Variants in CEP85L observed in about 807,000 individuals in gnomAD.
CEP85L encodes the protein centrosomal protein 85L.
A neutral mutation model predicts 100.3 loss-of-function variants in CEP85L; 60 were observed. That is an observed-to-expected ratio of 0.60 (90% CI 0.49 to 0.74). The LOEUF is 0.74. Ranked by LOEUF, CEP85L falls within the 30% of genes least tolerant of loss-of-function variation. CEP85L has a pLI of 0.00. For missense variants in CEP85L, 973 were observed against 936.2 expected, an observed-to-expected ratio of 1.04 and a Z score of -0.51; for synonymous variants, 319 against 322.7, an observed-to-expected ratio of 0.99 and a Z score of 0.12.
chr6:118,512,345 GTGT>G (rs1776020188), intron 4 of CEP85L, among the ~76,000 whole-genome samples: 1 of 151,928 alleles, frequency 6.6e-6, no homozygotes, highest in Non-Finnish European at 1.5e-5. Flanking sequence ...TACCGACGGT[GTGT>G]GTAGAGTGGA....
intron 1 of CEP85L, among the ~76,000 whole-genome samples, chr6:118,689,159 A>C (rs763633373): frequency 2.0e-5 from 3 of 152,186 alleles, no homozygotes; most frequent in Non-Finnish European, 4.4e-5. Context: ...TCTGCAGCCA[A>C]GTCTTTGTCT....
intron 5 of CEP85L, among the ~76,000 whole-genome samples, chr6:118,499,572 G>A (rs910578079): frequency 1.3e-5 from 2 of 152,008 alleles, no homozygotes; most frequent in African/African-American, 2.4e-5. Context: ...GCTGAGGCAG[G>A]AGAATCACTT....
rs575561818 is a variant in CEP85L at position 118,648,906 on chromosome 6, C to A, written c.73+2291G>T. On this transcript the variant is annotated intron_variant, in intron 1 of 12. Coordinates refer to ENST00000368491, the MANE Select transcript of CEP85L (RefSeq NM_001042475.3). ...ACCAGAAATTATTTACTTATCCCTG[C>A]CTTCACACTTTGTTTTCAGACAAGT... 3.4e-4 allele frequency among the ~76,000 whole-genome samples: 52 copies of A among 152,210 alleles called. 1 individual carries two copies. The South Asian group carries it at 0.01, about 30-fold the overall frequency.
In CEP85L at chr6:118,559,008, G is replaced by T. The variant is rs1779072179; in HGVS notation, c.1020+6521C>A. ...CTCAACAAGCACGTCAAAAGCTACA[G>T]AATCTATTTATCAATTTCTGTCTCA... On this transcript the variant is annotated intron_variant, in intron 3 of 12. Coordinates refer to ENST00000368491, the MANE Select transcript of CEP85L (RefSeq NM_001042475.3). 2 of 1,610,204 alleles carry T rather than the reference G, an allele frequency of 1.2e-6. No individual in the cohort carries two copies. Among genetic ancestry groups the T allele is most frequent in the Non-Finnish European group, 1.7e-6 (2 of 1,176,448 alleles).
chr6:118,470,713 A>C, intron 10 of CEP85L, 69 bp from the exon 11 acceptor site: 1 of 834,104 alleles, frequency 1.2e-6, no homozygotes. Context: ...AACAGAAAGA[A>C]GTAGGAATGT....
At chr6:118,555,228 G>A (rs948733920) in intron 3 of CEP85L, among the ~76,000 whole-genome samples, 2 of 151,972 alleles carry the variant, frequency 1.3e-5, no homozygotes, top group Non-Finnish European at 2.9e-5. Context: ...TCGGGAGATC[G>A]AGACCATCCT....
intron 3 of CEP85L, among the ~76,000 whole-genome samples, chr6:118,539,644 T>G (rs1418667636): frequency 6.8e-6 from 1 of 147,888 alleles, no homozygotes. Context: ...ACATGCAGGT[T>G]TCTTACATAG....
At chr6:118,568,083 G>A (rs1253986354) in intron 2 of CEP85L, among the ~76,000 whole-genome samples, 1 of 152,164 alleles carries the variant, frequency 6.6e-6, no homozygotes, top group East Asian at 1.9e-4. Flanking sequence ...TAAGTCACAT[G>A]ATAAAATGGA....
Position 118,465,565 on chromosome 6 carries a change from A to G in CEP85L, c.2258T>C (p.Met753Thr), listed in dbSNP as rs757547239. 6 of 1,607,238 alleles carry G rather than the reference A, an allele frequency of 3.7e-6. No individual in the cohort carries two copies. In the South Asian group the frequency reaches 4.5e-5, roughly 12 times the overall value. ...NLSLLLGIRS[M>T]NCSAEETEND... ...CTCAGTCTCTTCAGCTGAACAGTTC[A>G]TTGCTGTGTAAATAAAACATAGAGA... is the stretch of plus-strand genomic sequence containing the variant. The change falls in exon 13 of 13, where the codon ATG becomes ACG. Residue 753 changes from methionine to threonine, a missense_variant. Around this residue, in one of 3 missense-constraint regions of CEP85L, gnomAD observed 890 missense variants for 844.5 expected, o/e 1.05. Transcript: ENST00000368491.
chr6:118,509,358 A>C (rs1051252477), intron 5 of CEP85L, among the ~76,000 whole-genome samples: 13 of 152,156 alleles, frequency 8.5e-5, no homozygotes, highest in Admixed American at 3.9e-4. Context: ...TTACCAAAGC[A>C]AGATACACTA....
chr6:118,491,728 T>C lies in CEP85L; in HGVS notation c.1395A>G (p.Arg465=). 1 of 1,613,212 alleles carries C rather than the reference T, an allele frequency of 6.2e-7. No homozygotes were observed. Among genetic ancestry groups the C allele is most frequent in the Non-Finnish European group, 8.5e-7 (1 of 1,179,604 alleles). ...TCTTCTCTTCACTAAATAGGCTTAG[T>C]CTTTGTTTGAGAAACTCATTAAGCT... The part of the protein sequence containing the change: ...VLQLNEFLKQ[R]LSLFSEEKKK... The change falls in exon 6 of 13, where the codon AGA becomes AGG. Residue 465 remains arginine, a synonymous_variant. Transcript: ENST00000368491.
upstream of CEP85L, among the ~76,000 whole-genome samples, chr6:118,655,620 TCACACACAAACC>T (rs1009737818): frequency 6.6e-6 from 1 of 152,184 alleles, no homozygotes; most frequent in African/African-American, 2.4e-5. Context: ...GATCATGCCT[TCACACACAAACC>T]CACACACAGC....
intron 2 of CEP85L, among the ~76,000 whole-genome samples, chr6:118,624,245 T>C (rs1368569225): frequency 6.6e-6 from 1 of 152,186 alleles, no homozygotes; most frequent in African/African-American, 2.4e-5. Flanking sequence ...CCTTGCTCTC[T>C]TTAATGGAGT....
rs117688956 is a variant in CEP85L at position 118,596,346 on chromosome 6, G to T, written c.233-30030C>A. ...CAATATTCAGTAATCTTCCACAGTG[G>T]TTATTTTCCTGAGTGCTTTACAATA... On this transcript the variant is annotated intron_variant, in intron 2 of 12. Coordinates refer to ENST00000368491, the MANE Select transcript of CEP85L (RefSeq NM_001042475.3). Among the ~76,000 whole-genome samples the T allele has an allele frequency of 1.2e-3, 186 of 152,204 alleles. 4 individuals are homozygous for T. In the South Asian group the frequency reaches 0.022, roughly 18 times the overall value.
chr6:118,557,331 A>T (rs1043804665), intron 3 of CEP85L, among the ~76,000 whole-genome samples: 1 of 152,222 alleles, frequency 6.6e-6, no homozygotes, highest in Non-Finnish European at 1.5e-5. Flanking sequence ...ACATCTACAG[A>T]GTAACAGATT....
At chr6:118,519,699 C>T (rs1377370710) in intron 4 of CEP85L, among the ~76,000 whole-genome samples, 4 of 151,606 alleles carry the variant, frequency 2.6e-5, no homozygotes, top group Non-Finnish European at 5.9e-5. Context: ...TTTTCGTTGA[C>T]CTTTCAATAC....
rs531098720 is a variant in CEP85L at position 118,619,967 on chromosome 6, T to C, written c.232+12486A>G. Among the ~76,000 whole-genome samples, 27 of 152,308 alleles carry C rather than the reference T, an allele frequency of 1.8e-4. No individual in the cohort carries two copies. In the South Asian group the frequency reaches 3.5e-3, roughly 20 times the overall value. On this transcript the variant is annotated intron_variant, in intron 2 of 12. Transcript: ENST00000368491. ...AGGAGGTCACCGCTGTAGACCCTCATTGGGATACTGACTCAGATCATGAAG... is the reference window on the plus strand; with the variant it reads ...AGGAGGTCACCGCTGTAGACCCTCACTGGGATACTGACTCAGATCATGAAG...
At chr6:118,707,801 C>G (rs1427290485) in intron 1 of CEP85L, among the ~76,000 whole-genome samples, 4 of 152,082 alleles carry the variant, frequency 2.6e-5, no homozygotes, top group African/African-American at 9.7e-5. Flanking sequence ...ATTCACGGAA[C>G]AGCAAATCTG....
At chr6:118,596,607 T>C (rs1047304506) in intron 2 of CEP85L, among the ~76,000 whole-genome samples, 4 of 152,192 alleles carry the variant, frequency 2.6e-5, no homozygotes, top group Admixed American at 2.0e-4. Context: ...AAATAGTCTT[T>C]ATTATGCCTG....
Sources: allele counts gnomAD v4.1 joint callset (sites outside exome capture counted in the v4.1 genomes callset), GRCh38; gene constraint gnomAD v4.1.1; regional missense constraint gnomAD v4.1.1; transcripts MANE v1.5; gene names NCBI Gene and HGNC (gene_info 2026-07-23, HGNC 2026-07-21).